ARHGEF18: variants seen among roughly 807,000 people sequenced by gnomAD.
ARHGEF18 encodes rho guanine nucleotide exchange factor 18.
ARHGEF18 carries 93 observed loss-of-function variants against 155.7 expected under a neutral mutation model. The ratio of observed to expected loss-of-function variants is 0.60; its 90% CI spans 0.50 to 0.71. The LOEUF is 0.71. Among genes scored for constraint, ARHGEF18 ranks in the 30% least tolerant of loss-of-function variants. The probability of loss-of-function intolerance (pLI) is 0.00; values close to 1 mark genes in which losing one functional copy is unlikely to be tolerated. For missense variants in ARHGEF18, 1,593 were observed against 1,816.1 expected (o/e 0.88, Z 2.23); for synonymous variants, 742 against 753.1 (o/e 0.99, Z 0.24).
chr19:7,409,057 C>CTTTTTTT (rs1013156166), intron 10 of ARHGEF18, among the ~76,000 whole-genome samples: 7 of 115,532 alleles, frequency 6.1e-5, no homozygotes, highest in African/African-American at 1.5e-4. Context: ...GACCCTGTTT[C>CTTTTTTT]TTTTTTTTTT....
chr19:7,378,881 C>T (rs1031644964), intron 6 of ARHGEF18, among the ~76,000 whole-genome samples: 5 of 151,878 alleles, frequency 3.3e-5, no homozygotes, highest in Non-Finnish European at 7.4e-5. Flanking sequence ...CTAGTACAGA[C>T]GGGGTTTCAC....
In ARHGEF18 at chr19:7,356,285, T is replaced by C. The variant is rs76457509; in HGVS notation, c.-110-6496T>C. ...AGACACTTTTTCTTTTTTTTTTTTT[T>C]TCTGAGACCGAGTCTCATTCGGTCG... On this transcript the variant is annotated intron_variant, in intron 1 of 28. Transcript: ENST00000668164. Among the ~76,000 whole-genome samples, 6 of 141,012 alleles carry C rather than the reference T, an allele frequency of 4.3e-5. 1 individual carries two copies. The highest frequency in any genetic ancestry group is 3.4e-4 in the Admixed American group (5 of 14,796). The allele number at this position is 141,012 out of a possible 152,430, so 92.5% of individuals were successfully genotyped here. A position where few individuals can be genotyped will look rare whatever the true frequency, so the allele number is the denominator to read the frequency against.
At chr19:7,383,759 G>T (rs1970857768) in intron 10 of ARHGEF18, among the ~76,000 whole-genome samples, 2 of 147,846 alleles carry the variant, frequency 1.4e-5, no homozygotes, top group Non-Finnish European at 3.0e-5. Context: ...CATCCATGAA[G>T]ACTCTATTTT....
intron 15 of ARHGEF18, among the ~76,000 whole-genome samples, chr19:7,450,194 T>C (rs574917233): frequency 6.7e-6 from 1 of 148,986 alleles, no homozygotes; most frequent in South Asian, 2.1e-4. Context: ...TTGCTGTCCA[T>C]TTCCGAGCTG....
chr19:7,446,974 C>A, intron 14 of ARHGEF18, 69 bp from the exon 15 acceptor site: 3 of 1,543,106 alleles, frequency 1.9e-6, no homozygotes, highest in South Asian at 1.2e-5. Context: ...CAGACTCAGA[C>A]GAATTAGATG....
At chr19:7,427,644 C>CT (rs1413957116) in intron 10 of ARHGEF18, among the ~76,000 whole-genome samples, 29 of 144,498 alleles carry the variant, frequency 2.0e-4, no homozygotes, top group South Asian at 1.1e-3. Context: ...GACCCTGTCT[C>CT]TAAAAAAAAA....
chr19:7,368,944 A>G (rs553729034), intron 2 of ARHGEF18, among the ~76,000 whole-genome samples: 6 of 152,276 alleles, frequency 3.9e-5, no homozygotes, highest in Non-Finnish European at 7.3e-5. Flanking sequence ...AGGAGTCAGC[A>G]GGGAGAAGGG....
intron 10 of ARHGEF18, among the ~76,000 whole-genome samples, chr19:7,416,607 T>G (rs1326403995): frequency 1.4e-5 from 2 of 141,616 alleles, no homozygotes; most frequent in Non-Finnish European, 3.1e-5. Context: ...TTATTTGGGT[T>G]TTTTTTTTTT....
At position 7,431,529 on chromosome 19, in the gene ARHGEF18, A is replaced by AAAAAAAAAAAAAAAAAG. The variant is rs901539858; in HGVS notation, c.968-8811_968-8810insAAAAAAAAAAAAGAAAA. 3.4e-5 allele frequency among the ~76,000 whole-genome samples: 5 copies of AAAAAAAAAAAAAAAAAG among 146,956 alleles called. No individual in the cohort carries two copies. The East Asian group carries it at 6.0e-4, about 18-fold the overall frequency. The stretch of plus-strand genomic sequence containing the variant: ...CCATCTCAAAAAAAAAAAAAAAAAA[A>AAAAAAAAAAAAAAAAAG]AAAAGGCCGGGCTCAGTGGCTCACG... On this transcript the variant is annotated intron_variant, in intron 10 of 28. Coordinates refer to ENST00000668164, the MANE Select transcript of ARHGEF18 (RefSeq NM_001367823.1).
In ARHGEF18 at chr19:7,451,133, G is replaced by C. The variant is rs1568348989; in HGVS notation, c.1738-16G>C. 1.3e-6 allele frequency: 2 copies of C among 1,541,806 alleles called. No homozygotes were observed. The highest frequency in any genetic ancestry group is 1.7e-6 in the Non-Finnish European group (2 of 1,147,534). On this transcript the variant is annotated splice_polypyrimidine_tract_variant and intron_variant, in intron 15 of 28. Transcript: ENST00000668164. ...TTCTGAGATGTTAATACAGGATCTTGCTTTCTGTTTCCTAGAAAATTGGCA... is the reference window on the plus strand; with the variant it reads ...TTCTGAGATGTTAATACAGGATCTTCCTTTCTGTTTCCTAGAAAATTGGCA...
At chr19:7,371,852 A>T (rs1970221112) in intron 2 of ARHGEF18, among the ~76,000 whole-genome samples, 1 of 151,902 alleles carries the variant, frequency 6.6e-6, no homozygotes, top group Non-Finnish European at 1.5e-5. Flanking sequence ...GATAAATGTT[A>T]TGTGATGTGT....
intron 3 of ARHGEF18, among the ~76,000 whole-genome samples, chr19:7,375,294 GAAA>G (rs2145413263): frequency 1.4e-5 from 1 of 70,878 alleles, no homozygotes; most frequent in African/African-American, 5.1e-5. Context: ...AGAAAGAAAA[GAAA>G]GAAAGAAAAG....
intron 20 of ARHGEF18, 49 bp downstream of exon 20, chr19:7,460,043 G>A: frequency 1.3e-6 from 2 of 1,530,702 alleles, no homozygotes; most frequent in Non-Finnish European, 1.8e-6. Flanking sequence ...GTGAGCCCTG[G>A]GCCCTCCATC....
intron 2 of ARHGEF18, among the ~76,000 whole-genome samples, chr19:7,365,773 T>C (rs1156850703): frequency 6.6e-6 from 1 of 152,174 alleles, no homozygotes; most frequent in Non-Finnish European, 1.5e-5. Context: ...CACCAAGTCC[T>C]GTGAATTTTG....
chr19:7,370,319 C>A (rs1970143660), intron 2 of ARHGEF18, among the ~76,000 whole-genome samples: 1 of 152,112 alleles, frequency 6.6e-6, no homozygotes, highest in Non-Finnish European at 1.5e-5. Flanking sequence ...CACAGGGAAA[C>A]TCCATCTCTA....
At chr19:7,378,316 C>A in intron 5 of ARHGEF18, 78 bp from the exon 6 acceptor site, 1 of 1,141,480 alleles carries the variant, frequency 8.8e-7, no homozygotes, top group Non-Finnish European at 1.1e-6. Flanking sequence ...AGGGTGGCAT[C>A]CGGGAGGGCT....
chr19:7,449,940 A>G (rs1017158276), intron 15 of ARHGEF18, among the ~76,000 whole-genome samples: 7 of 152,152 alleles, frequency 4.6e-5, no homozygotes, highest in African/African-American at 1.7e-4. Flanking sequence ...GGCCTCCCAA[A>G]GTGCTGAGAT....
chr19:7,378,756 G>GAAGA (rs1970588526), intron 6 of ARHGEF18, among the ~76,000 whole-genome samples: 1 of 139,116 alleles, frequency 7.2e-6, no homozygotes, highest in Non-Finnish European at 1.5e-5. Flanking sequence ...ACAGTGGCGT[G>GAAGA]ATCTCAGCTC....
intron 2 of ARHGEF18, among the ~76,000 whole-genome samples, chr19:7,363,918 G>A (rs1969752272): frequency 6.6e-6 from 1 of 151,406 alleles, no homozygotes; most frequent in Non-Finnish European, 1.5e-5. Flanking sequence ...AAGGAAGGAG[G>A]ATGGATAAAT....
Sources: gnomAD v4.1 joint callset for allele counts (sites outside exome capture counted in the v4.1 genomes callset) on GRCh38, gnomAD v4.1.1 for gene constraint, MANE v1.5 for transcripts, NCBI Gene and HGNC (gene_info 2026-07-23, HGNC 2026-07-21) for gene names.